Variants in NELL1 observed in about 807,000 individuals in gnomAD.
NELL1 encodes protein kinase C-binding protein NELL1.
In NELL1, 76 loss-of-function variants were observed where a neutral mutation model predicts 107.4. The observed-to-expected ratio is 0.71, with a 90% CI of 0.59 to 0.86. The LOEUF is 0.86. Ranked by LOEUF, NELL1 falls within the 40% of genes least tolerant of loss-of-function variation. NELL1 has a pLI of 0.00. For synonymous variants in NELL1, 353 were observed against 341.2 expected, an observed-to-expected ratio of 1.03 and a Z score of -0.38; for missense variants, 1,024 against 1,005.5, an observed-to-expected ratio of 1.02 and a Z score of -0.25.
At chr11:20,762,099 ATTGT>A (rs1419269160) in intron 2 of NELL1, among the ~76,000 whole-genome samples, 4 of 152,272 alleles carry the variant, frequency 2.6e-5, no homozygotes, top group Admixed American at 6.5e-5. Context: ...CTTAGAGTCA[ATTGT>A]TTGATGTGTT....
chr11:20,683,871 G>T (rs940741552), intron 2 of NELL1, among the ~76,000 whole-genome samples: 1 of 151,692 alleles, frequency 6.6e-6, no homozygotes, highest in Admixed American at 6.6e-5. Flanking sequence ...ATTTTTCCCT[G>T]CTTTTAAGAC....
chr11:20,820,439 C>T lies in NELL1; in HGVS notation c.336-27144C>T, dbSNP rs549130283. Among the ~76,000 whole-genome samples the T allele has an allele frequency of 2.6e-5, 4 of 152,320 alleles. No homozygotes were observed. In the South Asian group the frequency reaches 8.3e-4, roughly 32 times the overall value. On this transcript the variant is annotated intron_variant, in intron 3 of 19. Transcript: ENST00000357134. ...TGAGAGGCAGGTCACTCAACAGTTA[C>T]AGCACACCATAATATGTGTTACAAA...
intron 12 of NELL1, among the ~76,000 whole-genome samples, chr11:21,010,302 A>G (rs1852419224): frequency 6.6e-6 from 1 of 151,896 alleles, no homozygotes; most frequent in Non-Finnish European, 1.5e-5. Flanking sequence ...ATTTTATACA[A>G]TTTTATTTAT....
chr11:20,791,830 G>A (rs1171763192), intron 3 of NELL1, among the ~76,000 whole-genome samples: 2 of 146,988 alleles, frequency 1.4e-5, no homozygotes, highest in Non-Finnish European at 3.0e-5. Flanking sequence ...GAAGGGTGTT[G>A]AATTTCTTCA....
In NELL1 at chr11:21,056,928, G is replaced by A. The variant is rs115819184; in HGVS notation, c.1301-56661G>A. 8.5e-3 allele frequency among the ~76,000 whole-genome samples: 1,298 copies of A among 152,100 alleles called. 11 individuals carry two copies. Among genetic ancestry groups the A allele is most frequent in the African/African-American group, 0.029 (1,209 of 41,498 alleles). ...AAACCATGTTTGGCTTCTAGCTACA[G>A]CCTGTATTATGACAGTGATTTCCAC... On this transcript the variant is annotated intron_variant, in intron 12 of 19. Transcript: ENST00000357134.
At chr11:20,866,388 A>G (rs759554681) in intron 4 of NELL1, among the ~76,000 whole-genome samples, 1 of 152,228 alleles carries the variant, frequency 6.6e-6, no homozygotes, top group Non-Finnish European at 1.5e-5. Context: ...GAGCTCCTCT[A>G]ATTACAGACA....
In NELL1 at chr11:21,052,803, G is replaced by A. The variant is rs1475974558; in HGVS notation, c.1301-60786G>A. ...TGCAAAGGCCCCAAGACAGGTACAA[G>A]CTTGGCCTGTCTGAAGAAACAAGGA... On this transcript the variant is annotated intron_variant, in intron 12 of 19. Coordinates refer to ENST00000357134, the MANE Select transcript of NELL1 (RefSeq NM_006157.5). Among the ~76,000 whole-genome samples, 5 of 152,092 alleles carry A rather than the reference G, an allele frequency of 3.3e-5. No homozygotes were observed. In the East Asian group the frequency reaches 9.7e-4, roughly 29 times the overall value.
rs1260151 is a variant in NELL1 at position 21,138,692 on chromosome 11, T to C, written c.1426+24978T>C. On this transcript the variant is annotated intron_variant, in intron 13 of 19. Coordinates refer to ENST00000357134, the MANE Select transcript of NELL1 (RefSeq NM_006157.5). Reference sequence around the variant, plus strand: ...AGTGACAGCAATTTAAAAACATTTTTAATTTTTAAAATTAAAGTTATTTTA... The same window carrying C: ...AGTGACAGCAATTTAAAAACATTTTCAATTTTTAAAATTAAAGTTATTTTA... Among the ~76,000 whole-genome samples the C allele has an allele frequency of 7.7e-3, 1,168 of 152,348 alleles. 13 individuals carry two copies. Among genetic ancestry groups the C allele is most frequent in the African/African-American group, 0.026 (1,098 of 41,568 alleles).
intron 11 of NELL1, among the ~76,000 whole-genome samples, chr11:20,948,228 T>A (rs973030764): frequency 6.6e-6 from 1 of 151,868 alleles, no homozygotes; most frequent in African/African-American, 2.4e-5. Context: ...TTTATTTATT[T>A]TTTTTTTAGA....
chr11:21,317,411 A>G (rs964101772), intron 14 of NELL1, among the ~76,000 whole-genome samples: 7 of 152,138 alleles, frequency 4.6e-5, no homozygotes, highest in Admixed American at 2.0e-4. Flanking sequence ...AGGTGGGATT[A>G]TTAGTACAAA....
At chr11:21,042,471 G>A (rs750901877) in intron 12 of NELL1, among the ~76,000 whole-genome samples, 3 of 152,166 alleles carry the variant, frequency 2.0e-5, no homozygotes, top group Non-Finnish European at 4.4e-5. Context: ...CAGGTATTAC[G>A]GAGCACAGTA....
At chr11:20,749,079 T>C (rs984768918) in intron 2 of NELL1, among the ~76,000 whole-genome samples, 1 of 150,776 alleles carries the variant, frequency 6.6e-6, no homozygotes, top group Non-Finnish European at 1.5e-5. Context: ...AATCCAGTGA[T>C]AGAAACAGAC....
At chr11:20,688,418 C>T (rs187575378) in intron 2 of NELL1, among the ~76,000 whole-genome samples, 1 of 151,996 alleles carries the variant, frequency 6.6e-6, no homozygotes, top group Non-Finnish European at 1.5e-5. Context: ...TCTGTAGCTG[C>T]CATCTTTATG....
At chr11:21,036,734 TCA>T (rs1157714287) in intron 12 of NELL1, among the ~76,000 whole-genome samples, 1 of 151,506 alleles carries the variant, frequency 6.6e-6, no homozygotes, top group African/African-American at 2.4e-5. Flanking sequence ...TCTCTCTGTC[TCA>T]CACACACACA....
chr11:21,121,953 A>T (rs1363870387), intron 13 of NELL1, among the ~76,000 whole-genome samples: 2 of 152,216 alleles, frequency 1.3e-5, no homozygotes, highest in African/African-American at 4.8e-5. Context: ...GTTAGGGTTT[A>T]TTAAATCCAG....
chr11:21,540,936 C>A (rs1215077961), intron 16 of NELL1, among the ~76,000 whole-genome samples: 1 of 152,052 alleles, frequency 6.6e-6, no homozygotes, highest in Non-Finnish European at 1.5e-5. Context: ...ACATTCAGTT[C>A]TTCTAATAAT....
chr11:21,086,735 T>G (rs1854399961), intron 12 of NELL1, among the ~76,000 whole-genome samples: 1 of 150,736 alleles, frequency 6.6e-6, no homozygotes, highest in Non-Finnish European at 1.5e-5. Flanking sequence ...GACTTTCAGA[T>G]AAAGAGCTTC....
At chr11:21,420,805 C>A (rs1297902446) in intron 15 of NELL1, among the ~76,000 whole-genome samples, 1 of 152,244 alleles carries the variant, frequency 6.6e-6, no homozygotes, top group Non-Finnish European at 1.5e-5. Context: ...GTAAGACAGT[C>A]TTCAAAATGG....
chr11:21,506,196 T>C (rs1443911166), intron 15 of NELL1, among the ~76,000 whole-genome samples: 2 of 152,230 alleles, frequency 1.3e-5, no homozygotes, highest in Non-Finnish European at 2.9e-5. Flanking sequence ...TCAATTTGAC[T>C]ACCATTTTCT....
Sources: gnomAD v4.1 joint callset for allele counts (sites outside exome capture counted in the v4.1 genomes callset) on GRCh38, gnomAD v4.1.1 for gene constraint, MANE v1.5 for transcripts, NCBI Gene and HGNC (gene_info 2026-07-23, HGNC 2026-07-21) for gene names.